FARS2: variants seen among roughly 807,000 people sequenced by gnomAD.
FARS2 encodes the protein phenylalanine--tRNA ligase, mitochondrial.
A neutral mutation model predicts 46.4 loss-of-function variants in FARS2; 40 were observed. The observed-to-expected ratio is 0.86, with a 90% CI of 0.67 to 1.12. The LOEUF (loss-of-function observed/expected upper bound fraction) is 1.12, where lower values mean the gene tolerates loss of function less well. Among genes scored for constraint, FARS2 ranks in the 50% most tolerant of loss-of-function variants. The pLI is 0.00. For synonymous variants in FARS2, 234 were observed against 214.9 expected (o/e 1.09, Z -0.78); for missense variants, 513 against 567.9 (o/e 0.90, Z 0.98).
At chr6:5,264,373 A>G (rs1484194661) in intron 1 of FARS2, among the ~76,000 whole-genome samples, 1 of 152,226 alleles carries the variant, frequency 6.6e-6, no homozygotes, top group Non-Finnish European at 1.5e-5. Flanking sequence ...AAGACCTTAG[A>G]TATCAACTCA....
intron 5 of FARS2, among the ~76,000 whole-genome samples, chr6:5,558,138 G>T (rs569350055): frequency 6.6e-6 from 1 of 152,114 alleles, no homozygotes; most frequent in Admixed American, 6.5e-5. Flanking sequence ...AGTTAAGAAA[G>T]GTAAATGTAG....
chr6:5,734,880 C>G (rs1313311665), intron 6 of FARS2, among the ~76,000 whole-genome samples: 1 of 152,166 alleles, frequency 6.6e-6, no homozygotes, highest in Admixed American at 6.5e-5. Flanking sequence ...GAAACTGTGT[C>G]TGTCACACAG....
chr6:5,280,677 C>G, intron 1 of FARS2, among the ~76,000 whole-genome samples: 1 of 151,834 alleles, frequency 6.6e-6, no homozygotes, highest in East Asian at 1.9e-4. Context: ...CTCAGATAGG[C>G]CTTCCCCAGC....
chr6:5,613,111 T>G (rs1265509222), intron 5 of FARS2, 58 bp from the exon 6 acceptor site: 3 of 1,481,706 alleles, frequency 2.0e-6, no homozygotes, highest in Non-Finnish European at 2.8e-6. Flanking sequence ...TATGAAAAAT[T>G]TAAATATTCT....
Position 5,626,881 on chromosome 6 carries a change from C to A in FARS2, c.1217+13561C>A, listed in dbSNP as rs191583767. On this transcript the variant is annotated intron_variant, in intron 6 of 6. Transcript: ENST00000274680. ...CAAACCTAGAAGGTGCAGCCTACTGCACACATAGGCTGTATGGGGTACAGT... is the reference window on the plus strand; with the variant it reads ...CAAACCTAGAAGGTGCAGCCTACTGAACACATAGGCTGTATGGGGTACAGT... Among the ~76,000 whole-genome samples, 9 of 152,358 alleles carry A rather than the reference C, an allele frequency of 5.9e-5. No homozygotes were observed. The East Asian group carries it at 1.7e-3, about 29-fold the overall frequency.
In FARS2 at chr6:5,569,025, G is replaced by A. The variant is rs182751427; in HGVS notation, c.1065+23685G>A. The stretch of plus-strand genomic sequence containing the variant: ...TCTGGCTGCCTTTGAGACTTGCAGG[G>A]GCACTGTTAATAACTGTGTTGCATG... On this transcript the variant is annotated intron_variant, in intron 5 of 6. Coordinates refer to ENST00000274680, the MANE Select transcript of FARS2 (RefSeq NM_006567.5). Among the ~76,000 whole-genome samples the A allele has an allele frequency of 2.1e-3, 325 of 151,998 alleles. No homozygotes were observed. The Middle Eastern group carries it at 0.031, about 14-fold the overall frequency.
chr6:5,510,534 T>TGCACACGGTGG (rs1313523603), intron 4 of FARS2, among the ~76,000 whole-genome samples: 1 of 152,250 alleles, frequency 6.6e-6, no homozygotes, highest in African/African-American at 2.4e-5. Context: ...CCCAGGGCTT[T>TGCACACGGTGG]GCACACGGTG....
At position 5,471,663 on chromosome 6, in the gene FARS2, C is replaced by G. The variant is rs1765813161; in HGVS notation, c.904+40491C>G. ...AAAAATAAATAGCAGTCCTGGAATC[C>G]TATTGCCTAGTGTAGGCAGATCATA... On this transcript the variant is annotated intron_variant, in intron 4 of 6. Transcript: ENST00000274680. This position sits in a 1 kb window ranked among gnomAD's most constrained non-coding sequence, Gnocchi z 4.1. Among the ~76,000 whole-genome samples, 1 of 152,196 alleles carries G rather than the reference C, an allele frequency of 6.6e-6. No homozygotes were observed. Among genetic ancestry groups the G allele is most frequent in the South Asian group, 2.1e-4 (1 of 4,826 alleles).
chr6:5,501,068 G>A (rs986482450), intron 4 of FARS2, among the ~76,000 whole-genome samples: 4 of 151,924 alleles, frequency 2.6e-5, no homozygotes, highest in African/African-American at 9.7e-5. Flanking sequence ...GAGAAAACTG[G>A]ACTGTGCTTA....
chr6:5,575,403 G>T (rs1475348645), intron 5 of FARS2, among the ~76,000 whole-genome samples: 5 of 152,154 alleles, frequency 3.3e-5, no homozygotes, highest in Non-Finnish European at 2.9e-5. Context: ...GCATCATGAG[G>T]ATCACCTGTG....
intron 1 of FARS2, among the ~76,000 whole-genome samples, chr6:5,360,705 A>G (rs1169292216): frequency 2.0e-5 from 3 of 152,204 alleles, no homozygotes; most frequent in Non-Finnish European, 4.4e-5. Context: ...CTTGTCCCTG[A>G]TAATTGATTT....
chr6:5,750,979 C>G (rs1761911987), intron 6 of FARS2, among the ~76,000 whole-genome samples: 1 of 152,066 alleles, frequency 6.6e-6, no homozygotes, highest in Admixed American at 6.5e-5. Flanking sequence ...TCCATTTTCC[C>G]ATGCTAAGGT....
intron 1 of FARS2, among the ~76,000 whole-genome samples, chr6:5,302,285 G>C (rs1047218485): frequency 6.6e-6 from 1 of 152,216 alleles, no homozygotes; most frequent in African/African-American, 2.4e-5. Flanking sequence ...GTAGGGCTTG[G>C]TGGGGACTGA....
intron 6 of FARS2, among the ~76,000 whole-genome samples, chr6:5,686,133 C>A (rs1289549040): frequency 6.6e-6 from 1 of 152,112 alleles, no homozygotes; most frequent in African/African-American, 2.4e-5. Context: ...AGTGAGTGCT[C>A]AATAGATGTC....
At chr6:5,410,417 C>A (rs1016528143) in intron 3 of FARS2, among the ~76,000 whole-genome samples, 1 of 152,166 alleles carries the variant, frequency 6.6e-6, no homozygotes, top group Admixed American at 6.5e-5. Context: ...CCACTTTGGA[C>A]ACCCAAAGTG....
chr6:5,258,727 T>C (rs1764796140), upstream of FARS2, among the ~76,000 whole-genome samples: 1 of 152,244 alleles, frequency 6.6e-6, no homozygotes, highest in African/African-American at 2.4e-5. Context: ...ATAATATATT[T>C]ATATTTGGAT....
chr6:5,416,093 T>A (rs1762224020), intron 3 of FARS2, among the ~76,000 whole-genome samples: 1 of 152,240 alleles, frequency 6.6e-6, no homozygotes, highest in South Asian at 2.1e-4. Flanking sequence ...TTTCACTCAG[T>A]CTTTTCATTA....
intron 5 of FARS2, among the ~76,000 whole-genome samples, chr6:5,548,107 A>C (rs1771150582): frequency 6.6e-6 from 1 of 152,214 alleles, no homozygotes; most frequent in Admixed American, 6.5e-5. Context: ...AACCCCTGAT[A>C]AACCCATCAG....
At chr6:5,253,790 T>C in the FARS2 span, among the ~76,000 whole-genome samples, 1 of 145,486 alleles carries the variant, frequency 6.9e-6, no homozygotes, top group Non-Finnish European at 1.5e-5. Context: ...TGAAGCAAAA[T>C]GCAAATGTGA....
Sources: allele counts gnomAD v4.1 joint callset (sites outside exome capture counted in the v4.1 genomes callset), GRCh38; gene constraint gnomAD v4.1.1; non-coding constraint Gnocchi (gnomAD v3.1); transcripts MANE v1.5; gene names NCBI Gene and HGNC (gene_info 2026-07-23, HGNC 2026-07-21).